The following RBFOX1 variants were observed in gnomAD, a reference collection of about 807,000 sequenced individuals.
RBFOX1 encodes RNA binding fox-1 homolog 1.
Under a neutral mutation model 57.7 loss-of-function variants are expected in RBFOX1, and 8 were observed. That is an observed-to-expected ratio of 0.14 (90% CI 0.08 to 0.25). The LOEUF is 0.25. RBFOX1 is among the 10% of genes least tolerant of loss of function. The probability of loss-of-function intolerance (pLI) is 1.00; values close to 1 mark genes in which losing one functional copy is unlikely to be tolerated. For synonymous variants in RBFOX1, 326 were observed against 222.4 expected (o/e 1.47, Z -4.15); for missense variants, 611 against 548.5 (o/e 1.11, Z -1.14).
At chr16:6,325,806 C>G (rs2082306562) in intron 2 of RBFOX1, among the ~76,000 whole-genome samples, 1 of 152,152 alleles carries the variant, frequency 6.6e-6, no homozygotes, top group Non-Finnish European at 1.5e-5. Context: ...GTATAGATGG[C>G]CAGAATGGTT....
chr16:7,571,721 C>T lies in RBFOX1; in HGVS notation c.271-8056C>T, dbSNP rs370605958. ...TTATCAGGGAAGCTCTGCCAAGTGC[C>T]GCCTGGAAACCCACCTCTTGGGGTT... is the stretch of plus-strand genomic sequence containing the variant. On this transcript the variant is annotated intron_variant, in intron 5 of 15. Coordinates refer to ENST00000550418, the MANE Select transcript of RBFOX1 (RefSeq NM_018723.4). 2.0e-4 allele frequency among the ~76,000 whole-genome samples: 30 copies of T among 152,258 alleles called. No homozygotes were observed. In the South Asian group the frequency reaches 3.1e-3, roughly 16 times the overall value.
intron 3 of RBFOX1, among the ~76,000 whole-genome samples, chr16:5,659,405 G>A (rs541374058): frequency 7.3e-5 from 11 of 150,910 alleles, no homozygotes; most frequent in Middle Eastern, 3.4e-3. Flanking sequence ...CCGGGTTCAC[G>A]TCATTCTCCT....
chr16:6,377,115 A>G (rs1293231137), intron 2 of RBFOX1, among the ~76,000 whole-genome samples: 1 of 151,878 alleles, frequency 6.6e-6, no homozygotes, highest in Non-Finnish European at 1.5e-5. Context: ...CCTACAAAAA[A>G]AAATTAAAAA....
intron 4 of RBFOX1, among the ~76,000 whole-genome samples, chr16:7,075,912 T>C (rs971388468): frequency 1.3e-5 from 2 of 152,058 alleles, no homozygotes; most frequent in African/African-American, 4.8e-5. Context: ...AACAATTTCC[T>C]GTAACTGAAT....
chr16:5,397,582 A>G (rs917401646), intron 1 of RBFOX1, among the ~76,000 whole-genome samples: 4 of 152,218 alleles, frequency 2.6e-5, no homozygotes, highest in Admixed American at 6.5e-5. Flanking sequence ...TTTCTGAGAA[A>G]TAAATATAGG....
At chr16:6,844,135 T>TC (rs1555521926) in intron 3 of RBFOX1, among the ~76,000 whole-genome samples, 107,557 of 151,184 alleles carry the variant, frequency 0.71, 38,422 homozygotes, top group East Asian at 0.88. Flanking sequence ...CTTTTCTCTC[T>TC]CTCCATCATT....
intron 1 of RBFOX1, among the ~76,000 whole-genome samples, chr16:6,164,901 T>C (rs1233304738): frequency 3.3e-5 from 5 of 152,208 alleles, no homozygotes; most frequent in Admixed American, 2.6e-4. Flanking sequence ...TCCTACGAAG[T>C]TGAATTTTTC....
chr16:6,871,502 C>A (rs1285684776), intron 3 of RBFOX1, among the ~76,000 whole-genome samples: 1 of 151,984 alleles, frequency 6.6e-6, no homozygotes, highest in African/African-American at 2.4e-5. Context: ...TCACTCTTGA[C>A]TCTTTCCTCT....
chr16:6,535,238 C>T (rs1334597700), intron 2 of RBFOX1, among the ~76,000 whole-genome samples: 1 of 152,134 alleles, frequency 6.6e-6, no homozygotes, highest in Non-Finnish European at 1.5e-5. Context: ...GAGAGTTGGT[C>T]ACCTTCTTTC....
intron 3 of RBFOX1, among the ~76,000 whole-genome samples, chr16:6,897,297 G>T (rs1044334408): frequency 3.3e-5 from 5 of 152,206 alleles, no homozygotes; most frequent in African/African-American, 1.2e-4. Flanking sequence ...CAGCTACTCA[G>T]GAGGCTGAGG....
intron 4 of RBFOX1, among the ~76,000 whole-genome samples, chr16:7,202,062 G>C (rs1165587470): frequency 6.6e-6 from 1 of 152,072 alleles, no homozygotes; most frequent in East Asian, 1.9e-4. Context: ...TTCTCCTAGA[G>C]CCGCTTAACT....
intron 3 of RBFOX1, among the ~76,000 whole-genome samples, chr16:6,708,116 T>G (rs1490419069): frequency 1.3e-5 from 2 of 152,182 alleles, no homozygotes; most frequent in East Asian, 3.9e-4. Context: ...ATCTTTTGTT[T>G]ACTACCCACA....
intron 3 of RBFOX1, among the ~76,000 whole-genome samples, chr16:7,017,092 CA>C (rs2093953920): frequency 6.6e-6 from 1 of 151,958 alleles, no homozygotes; most frequent in African/African-American, 2.4e-5. Flanking sequence ...ACTCATTTTT[CA>C]AAAGACAGAT....
At chr16:7,556,457 C>T (rs770334638) in intron 5 of RBFOX1, among the ~76,000 whole-genome samples, 1 of 152,122 alleles carries the variant, frequency 6.6e-6, no homozygotes, top group African/African-American at 2.4e-5. Context: ...ATATTATTTC[C>T]CATGATGGCC....
At chr16:6,365,124 C>T (rs1248561775) in intron 2 of RBFOX1, among the ~76,000 whole-genome samples, 1 of 152,124 alleles carries the variant, frequency 6.6e-6, no homozygotes, top group African/African-American at 2.4e-5. Context: ...AATTAGCTTT[C>T]CTCTTAACAA....
intron 4 of RBFOX1, among the ~76,000 whole-genome samples, chr16:7,317,062 T>A (rs143104565): frequency 6.6e-6 from 1 of 151,954 alleles, no homozygotes; most frequent in African/African-American, 2.4e-5. Flanking sequence ...AAGGCCAGTT[T>A]GGCTTTTCTG....
At chr16:6,523,628 T>C (rs1442291865) in intron 2 of RBFOX1, among the ~76,000 whole-genome samples, 1 of 152,200 alleles carries the variant, frequency 6.6e-6, no homozygotes, top group Non-Finnish European at 1.5e-5. Context: ...ATTCTCAAGA[T>C]TTTATCCAAT....
At chr16:5,318,929 C>A (rs1012624170) in intron 1 of RBFOX1, among the ~76,000 whole-genome samples, 1 of 152,022 alleles carries the variant, frequency 6.6e-6, no homozygotes, top group Non-Finnish European at 1.5e-5. Context: ...TTAGGACTTT[C>A]AGCCTGGTCA....
chr16:7,669,311 A>T lies in RBFOX1; in HGVS notation c.930+4343A>T, dbSNP rs138628223. On this transcript the variant is annotated intron_variant, in intron 13 of 15. Coordinates refer to ENST00000550418, the MANE Select transcript of RBFOX1 (RefSeq NM_018723.4). Reference sequence around the variant, plus strand: ...TGGTTGACCTTCTCAGAAAGAGACCAAAAAGTATAGCATTTGATCAAAAGA... The same window carrying T: ...TGGTTGACCTTCTCAGAAAGAGACCTAAAAGTATAGCATTTGATCAAAAGA... 9.5e-4 allele frequency among the ~76,000 whole-genome samples: 145 copies of T among 152,346 alleles called. 1 individual carries two copies. The highest frequency in any genetic ancestry group is 3.3e-3 in the African/African-American group (137 of 41,582).
Sources: allele counts gnomAD v4.1 joint callset (sites outside exome capture counted in the v4.1 genomes callset), GRCh38; gene constraint gnomAD v4.1.1; transcripts MANE v1.5; gene names NCBI Gene and HGNC (gene_info 2026-07-23, HGNC 2026-07-21).